ZNF334: variants seen among roughly 807,000 people sequenced by gnomAD.
ZNF334 encodes zinc finger protein 334.
In ZNF334, 14 loss-of-function variants were observed where a neutral mutation model predicts 12.4. The ratio of observed to expected loss-of-function variants is 1.13; its 90% confidence interval spans 0.74 to 1.76. ZNF334 has a LOEUF of 1.76. Among genes scored for constraint, ZNF334 ranks in the 40% most tolerant of loss-of-function variants. The probability of loss-of-function intolerance (pLI) is 0.00; values close to 1 mark genes in which losing one functional copy is unlikely to be tolerated. For synonymous variants in ZNF334, 273 were observed against 269.6 expected, an observed-to-expected ratio of 1.01 and a Z score of -0.12; for missense variants, 797 against 804.5, an observed-to-expected ratio of 0.99 and a Z score of 0.11.
chr20:46,475,106 C>T, the ZNF334 span, among the ~76,000 whole-genome samples: 2 of 152,212 alleles, frequency 1.3e-5, no homozygotes, highest in African/African-American at 4.8e-5. Flanking sequence ...CTTGGCATAT[C>T]TCCTTGGAGG....
At position 46,502,923 on chromosome 20, in the gene ZNF334, C is replaced by T; in HGVS notation, c.416G>A (p.Gly139Glu). 1 of 1,613,920 alleles carries T rather than the reference C, an allele frequency of 6.2e-7. No homozygotes were observed. Among genetic ancestry groups the T allele is most frequent in the Non-Finnish European group, 8.5e-7 (1 of 1,179,968 alleles). The change falls in exon 5 of 5, where the codon GGA (glycine) becomes GAA (glutamate). Residue 139 changes from glycine to glutamate, a missense_variant. Physicochemically the swap from Gly to Glu is moderately conservative, Grantham distance 98. Coordinates refer to ENST00000692313, the MANE Select transcript of ZNF334 (RefSeq NM_001353824.2). The part of the protein sequence containing the change: ...SRKMPYKCNP[G>E]GNSLKTNSEV... ...TGAATTAGTTTTCAAACTGTTTCCT[C>T]CTGGATTACATTTATAGGGCATTTT...
the ZNF334 span, among the ~76,000 whole-genome samples, chr20:46,483,598 T>C: frequency 1.3e-5 from 2 of 152,260 alleles, no homozygotes; most frequent in South Asian, 4.1e-4. Flanking sequence ...TATTCAGTTA[T>C]TGCCTCAGTA....
the ZNF334 span, among the ~76,000 whole-genome samples, chr20:46,493,879 G>C: frequency 6.6e-6 from 1 of 152,174 alleles, no homozygotes; most frequent in Non-Finnish European, 1.5e-5. Context: ...GCAGTGAGCA[G>C]AGATCATGCC....
the ZNF334 span, among the ~76,000 whole-genome samples, chr20:46,470,068 C>A: frequency 6.6e-6 from 1 of 152,128 alleles, no homozygotes; most frequent in African/African-American, 2.4e-5. Flanking sequence ...GCTCCTAGGA[C>A]AATACCCACC....
At chr20:46,473,995 G>A in the ZNF334 span, among the ~76,000 whole-genome samples, 942 of 152,250 alleles carry the variant, frequency 6.2e-3, 9 homozygotes, top group African/African-American at 0.021. Flanking sequence ...ATATGGCCAC[G>A]TGGAATTGGC....
chr20:46,466,512 C>T, the ZNF334 span, among the ~76,000 whole-genome samples: 1,601 of 152,254 alleles, frequency 0.011, 44 homozygotes, highest in African/African-American at 0.037. Context: ...GAGACAGAGT[C>T]TCGCTCCGTT....
At chr20:46,467,180 T>C in the ZNF334 span, among the ~76,000 whole-genome samples, 29 of 152,182 alleles carry the variant, frequency 1.9e-4, no homozygotes, top group Non-Finnish European at 4.0e-4. Context: ...GTCTTCCTGC[T>C]GGCAAGAATA....
At chr20:46,468,148 G>A in the ZNF334 span, among the ~76,000 whole-genome samples, 1 of 152,212 alleles carries the variant, frequency 6.6e-6, no homozygotes, top group Non-Finnish European at 1.5e-5. Flanking sequence ...GGTGGTGTTG[G>A]ACAGTAACTT....
At chr20:46,509,485 C>A (rs890994340) in intron 2 of ZNF334, 1 of 678,384 alleles carries the variant, frequency 1.5e-6, no homozygotes, top group Non-Finnish European at 2.7e-6. Flanking sequence ...GTTTCCTCAG[C>A]AGGAGCATGG....
In ZNF334 at chr20:46,509,544, G is replaced by A. The variant is rs780276823; in HGVS notation, c.21+2538C>T. The A allele has an allele frequency of 5.7e-6, 4 of 702,862 alleles. No individual in the cohort carries two copies. The East Asian group carries it at 1.1e-4, about 19-fold the overall frequency. 43.5% of individuals were successfully genotyped at this position (702,862 alleles called of 1,614,324 possible). ...GGGACATCTCTGGGAGGACCACCAG[G>A]AGAAACTAACCTTGAAATAGTGCAC... is the stretch of plus-strand genomic sequence containing the variant. On this transcript the variant is annotated intron_variant, in intron 2 of 4. Transcript: ENST00000692313.
chr20:46,507,486 T>C (rs2061479119), intron 2 of ZNF334, among the ~76,000 whole-genome samples: 1 of 152,234 alleles, frequency 6.6e-6, no homozygotes. Context: ...ACTGTATTCA[T>C]GTGAATTTCC....
chr20:46,505,723 T>C (rs1022314110), intron 2 of ZNF334: 1 of 153,798 alleles, frequency 6.5e-6, no homozygotes, highest in Non-Finnish European at 1.5e-5. Context: ...ACTGCTTTCA[T>C]GTCACAACAG....
chr20:46,510,840 G>GC (rs2061623812), intron 2 of ZNF334, among the ~76,000 whole-genome samples: 1 of 151,212 alleles, frequency 6.6e-6, no homozygotes, highest in Admixed American at 6.6e-5. Flanking sequence ...AGGGAAAAAA[G>GC]AAGCAGCAGC....
At chr20:46,505,376 A>G (rs1233217403) in intron 2 of ZNF334, 1 of 152,662 alleles carries the variant, frequency 6.6e-6, no homozygotes, top group Non-Finnish European at 1.5e-5. Flanking sequence ...GCTAACGTAC[A>G]TTTACTTAGG....
the ZNF334 span, among the ~76,000 whole-genome samples, chr20:46,469,771 G>T: frequency 6.6e-6 from 1 of 152,076 alleles, no homozygotes; most frequent in South Asian, 2.1e-4. Context: ...GGATGCTTGG[G>T]TTCACAGGGA....
At chr20:46,512,051 A>G (rs773127411) in intron 2 of ZNF334, 31 bp downstream of exon 2, 2 of 1,610,348 alleles carry the variant, frequency 1.2e-6, no homozygotes. Flanking sequence ...TTCACTGTAT[A>G]ATGTGAGAAG....
At chr20:46,498,580 C>A (rs1879148258), downstream of ZNF334, among the ~76,000 whole-genome samples, 1 of 152,152 alleles carries the variant, frequency 6.6e-6, no homozygotes, top group African/African-American at 2.4e-5. Flanking sequence ...CTCTACAATT[C>A]CTAAACCACA....
chr20:46,479,522 T>C, the ZNF334 span, among the ~76,000 whole-genome samples: 2 of 152,336 alleles, frequency 1.3e-5, no homozygotes, highest in Admixed American at 1.3e-4. Context: ...ACAGACTCTG[T>C]GGCAATAAGA....
the ZNF334 span, among the ~76,000 whole-genome samples, chr20:46,468,038 T>G: frequency 2.6e-5 from 4 of 152,220 alleles, no homozygotes; most frequent in African/African-American, 9.7e-5. Flanking sequence ...TTTTGGAAAC[T>G]TTGGGAGATC....
Sources: gnomAD v4.1 joint callset for allele counts (sites outside exome capture counted in the v4.1 genomes callset) on GRCh38, gnomAD v4.1.1 for gene constraint, MANE v1.5 for transcripts, NCBI Gene and HGNC (gene_info 2026-07-23, HGNC 2026-07-21) for gene names.